The following CSMD3 variants were observed in gnomAD, a reference collection of about 807,000 sequenced individuals.
CSMD3 encodes the protein CUB and Sushi multiple domains 3.
Under a neutral mutation model 435.2 loss-of-function variants are expected in CSMD3, and 177 were observed. That is an observed-to-expected ratio of 0.41 (90% CI 0.36 to 0.46). The LOEUF is 0.46. Ranked by LOEUF, CSMD3 falls within the 20% of genes least tolerant of loss-of-function variation. The pLI, the probability that CSMD3 is intolerant of heterozygous loss-of-function variation, is 0.34. For missense variants in CSMD3, 4,265 were observed against 4,504.6 expected (o/e 0.95, Z 1.52); for synonymous variants, 1,656 against 1,520.5 (o/e 1.09, Z -2.07).
chr8:112,296,905 CACTATAA>C (rs1820348000), intron 53 of CSMD3, among the ~76,000 whole-genome samples: 1 of 151,668 alleles, frequency 6.6e-6, no homozygotes, highest in African/African-American at 2.4e-5. Context: ...GAAGTGATAT[CACTATAA>C]AGCCTTAAGA....
At chr8:112,858,954 A>C (rs539644920) in intron 11 of CSMD3, among the ~76,000 whole-genome samples, 191 bp downstream of exon 11, 2 of 152,002 alleles carry the variant, frequency 1.3e-5, no homozygotes, top group East Asian at 3.9e-4. Flanking sequence ...AGCTTGGAGT[A>C]GAATTGTATT....
chr8:113,057,919 C>A (rs138035545), intron 5 of CSMD3, among the ~76,000 whole-genome samples: 2 of 151,608 alleles, frequency 1.3e-5, no homozygotes, highest in Admixed American at 1.3e-4. Flanking sequence ...CATTGTAATA[C>A]GTGTCCTAAA....
At chr8:112,469,912 T>C (rs2130737148) in intron 32 of CSMD3, among the ~76,000 whole-genome samples, 1 of 152,254 alleles carries the variant, frequency 6.6e-6, no homozygotes, top group Non-Finnish European at 1.5e-5. Context: ...TGAGAAGTGA[T>C]ATGTGATGAA....
At chr8:113,286,614 TCTAA>T (rs2093648463) in intron 2 of CSMD3, among the ~76,000 whole-genome samples, 1 of 151,980 alleles carries the variant, frequency 6.6e-6, no homozygotes, top group Non-Finnish European at 1.5e-5. Context: ...TGTCTCACTA[TCTAA>T]CTATGTTTAT....
intron 2 of CSMD3, among the ~76,000 whole-genome samples, chr8:113,306,078 T>G (rs931315229): frequency 2.6e-5 from 4 of 152,212 alleles, no homozygotes; most frequent in Non-Finnish European, 5.9e-5. Context: ...TCACTTGGTG[T>G]GTCTCATTAA....
At chr8:112,532,264 A>T (rs1279726522) in intron 27 of CSMD3, among the ~76,000 whole-genome samples, 1 of 152,102 alleles carries the variant, frequency 6.6e-6, no homozygotes, top group Non-Finnish European at 1.5e-5. Flanking sequence ...ATTGGACTTA[A>T]AGAAGGAGTG....
rs190565147 is a variant in CSMD3, at chr8:112,518,032, A to G, written c.4565-807T>C. On this transcript the variant is annotated intron_variant, in intron 27 of 70. Transcript: ENST00000297405. ...ACAACCCAAATGTCATTCAACAGGTAAATGTTTAAACGATGGTAAATCCAT... is the reference window on the plus strand; with the variant it reads ...ACAACCCAAATGTCATTCAACAGGTGAATGTTTAAACGATGGTAAATCCAT... Among the ~76,000 whole-genome samples, 544 of 152,358 alleles carry G rather than the reference A, an allele frequency of 3.6e-3. 1 individual carries two copies. Among genetic ancestry groups the G allele is most frequent in the African/African-American group, 0.013 (521 of 41,586 alleles).
intron 13 of CSMD3, among the ~76,000 whole-genome samples, chr8:112,785,178 TAACAATG>T (rs2078505577): frequency 6.6e-6 from 1 of 151,882 alleles, no homozygotes; most frequent in Non-Finnish European, 1.5e-5. Context: ...TTATTTCAAT[TAACAATG>T]AACAATCATT....
chr8:112,371,080 T>G (rs1828348179), intron 38 of CSMD3, among the ~76,000 whole-genome samples: 1 of 152,056 alleles, frequency 6.6e-6, no homozygotes, highest in Non-Finnish European at 1.5e-5. Context: ...GCTGCCCAGA[T>G]TTCCCCTGGC....
chr8:112,678,663 T>C (rs1280779038), intron 16 of CSMD3, among the ~76,000 whole-genome samples: 1 of 152,038 alleles, frequency 6.6e-6, no homozygotes, highest in African/African-American at 2.4e-5. Context: ...TAAGTTCTGA[T>C]TAAAACAAAA....
intron 5 of CSMD3, among the ~76,000 whole-genome samples, chr8:113,057,598 T>C (rs943025546): frequency 1.3e-5 from 2 of 151,990 alleles, no homozygotes; most frequent in Non-Finnish European, 2.9e-5. Flanking sequence ...AGAACACAAA[T>C]TTCAAAATTA....
intron 7 of CSMD3, among the ~76,000 whole-genome samples, chr8:112,965,556 T>G (rs74569178): frequency 4.5e-4 from 69 of 152,046 alleles, no homozygotes; most frequent in African/African-American, 1.5e-3. Context: ...AATCTTTACA[T>G]AGGACTAACT....
chr8:112,505,584 G>A (rs1822415647), intron 29 of CSMD3, among the ~76,000 whole-genome samples: 1 of 151,800 alleles, frequency 6.6e-6, no homozygotes, highest in African/African-American at 2.4e-5. Context: ...TTATAGTTTG[G>A]GACTAAATCA....
At chr8:112,575,147 A>G (rs1829840132) in intron 23 of CSMD3, among the ~76,000 whole-genome samples, 1 of 152,032 alleles carries the variant, frequency 6.6e-6, no homozygotes, top group Admixed American at 6.6e-5. Flanking sequence ...AAGTAACTTT[A>G]TTAGAATTTA....
intron 27 of CSMD3, among the ~76,000 whole-genome samples, chr8:112,536,690 A>C (rs1369626248): frequency 1.3e-5 from 2 of 150,460 alleles, no homozygotes; most frequent in South Asian, 4.2e-4. Context: ...AAGGACTATA[A>C]TTCATGCTGC....
chr8:112,293,917 A>G (rs1287716886), intron 54 of CSMD3, among the ~76,000 whole-genome samples: 3 of 152,160 alleles, frequency 2.0e-5, no homozygotes, highest in Admixed American at 2.0e-4. Flanking sequence ...AATTATCAAT[A>G]AAGAAACCAG....
chr8:112,906,524 T>C (rs72680297), intron 10 of CSMD3, among the ~76,000 whole-genome samples: 6,431 of 151,646 alleles, frequency 0.042, 190 homozygotes, highest in Non-Finnish European at 0.062. Context: ...ATTTCTTACC[T>C]ATTTTTTTCT....
At chr8:113,187,844 T>C (rs1564406013) in intron 3 of CSMD3, among the ~76,000 whole-genome samples, 1 of 151,996 alleles carries the variant, frequency 6.6e-6, no homozygotes, top group Admixed American at 6.6e-5. Flanking sequence ...CTGATGATCA[T>C]GATCCTACAC....
intron 17 of CSMD3, among the ~76,000 whole-genome samples, chr8:112,661,162 G>A (rs1455577334): frequency 6.6e-6 from 1 of 152,096 alleles, no homozygotes; most frequent in Non-Finnish European, 1.5e-5. Flanking sequence ...ATAAGAAAGT[G>A]GCAGAGTAAA....
Sources: gnomAD v4.1 joint callset for allele counts (sites outside exome capture counted in the v4.1 genomes callset) on GRCh38, gnomAD v4.1.1 for gene constraint, MANE v1.5 for transcripts, NCBI Gene and HGNC (gene_info 2026-07-23, HGNC 2026-07-21) for gene names.